NPAT: variants seen among roughly 807,000 people sequenced by gnomAD.
NPAT encodes protein NPAT.
In NPAT, 52 loss-of-function variants were observed where a neutral mutation model predicts 130.7. The ratio of observed to expected loss-of-function variants is 0.40; its 90% CI spans 0.32 to 0.50. NPAT has a LOEUF of 0.50. Ranked by LOEUF, NPAT falls within the 20% of genes least tolerant of loss-of-function variation. The probability of loss-of-function intolerance (pLI) is 0.68; values close to 1 mark genes in which losing one functional copy is unlikely to be tolerated. For missense variants in NPAT, 1,687 were observed against 1,662.6 expected (o/e 1.01, Z -0.26); for synonymous variants, 580 against 584.8 (o/e 0.99, Z 0.12).
chr11:108,182,402 A>G (rs1440467166), intron 10 of NPAT, among the ~76,000 whole-genome samples: 1 of 152,208 alleles, frequency 6.6e-6, no homozygotes, highest in East Asian at 1.9e-4. Context: ...CTCAGCTTTC[A>G]GAGGGACTTT....
chr11:108,192,335 C>T (rs1345958934), intron 3 of NPAT, 145 bp from the exon 4 acceptor site: 4 of 688,302 alleles, frequency 5.8e-6, no homozygotes, highest in Non-Finnish European at 1.1e-5. Flanking sequence ...TGTAAAATAG[C>T]TTGCAAAGCT....
In NPAT at chr11:108,192,167, T is replaced by C. The variant is rs374739227; in HGVS notation, c.241A>G (p.Ile81Val). Residue 81 changes from isoleucine to valine, a missense_variant, in exon 4 of 18, where the codon ATA (isoleucine) becomes GTA (valine). By Grantham distance (29) the Ile-to-Val change is conservative. Transcript: ENST00000278612. ...AATTTCTTCCATAGAGATGACATTATTGCTGGGACATTATTTGATGTTTCT... is the reference window on the plus strand; with the variant it reads ...AATTTCTTCCATAGAGATGACATTACTGCTGGGACATTATTTGATGTTTCT... Reference protein sequence around the residue: ...TKETSNNVPAIMSSLWKKLDH... With the variant: ...TKETSNNVPAVMSSLWKKLDH... 21 of 1,605,952 alleles carry C rather than the reference T, an allele frequency of 1.3e-5. No individual in the cohort carries two copies. The Middle Eastern group carries it at 6.6e-4, about 50-fold the overall frequency.
intron 1 of NPAT, among the ~76,000 whole-genome samples, chr11:108,214,935 T>C (rs1343284530): frequency 6.6e-6 from 1 of 152,172 alleles, no homozygotes; most frequent in African/African-American, 2.4e-5. Context: ...ACCCGGCCTA[T>C]GATTTCAAAT....
chr11:108,182,300 AAAG>A (rs1457486085), intron 10 of NPAT, among the ~76,000 whole-genome samples: 2 of 152,170 alleles, frequency 1.3e-5, no homozygotes, highest in African/African-American at 2.4e-5. Flanking sequence ...TCTAAGTGTC[AAAG>A]AAGAGTGAGA....
At chr11:108,183,973 C>CAA (rs61030752) in intron 10 of NPAT, among the ~76,000 whole-genome samples, 3,680 of 147,464 alleles carry the variant, frequency 0.025, 113 homozygotes, top group African/African-American at 0.076. Flanking sequence ...GACCCTGTCT[C>CAA]AAAAAAAAAA....
In NPAT at chr11:108,169,976, T is replaced by C; in HGVS notation, c.2853A>G (p.Val951=). The change falls in exon 14 of 18, where the codon GTA becomes GTG. Residue 951 remains valine, a synonymous_variant. Transcript: ENST00000278612. ...VLQGMVGMIP[V]SVVGQNGNNF... ...TATTTCCATTCTGTCCAACCACAGA[T>C]ACTGGGATCATCCCTACCATTCCTT... 2 of 1,614,002 alleles carry C rather than the reference T, an allele frequency of 1.2e-6. No homozygotes were observed. The highest frequency in any genetic ancestry group is 8.5e-7 in the Non-Finnish European group (1 of 1,179,906).
At chr11:108,164,412 G>C (rs549447252) in intron 15 of NPAT, among the ~76,000 whole-genome samples, 1 of 152,330 alleles carries the variant, frequency 6.6e-6, no homozygotes, top group African/African-American at 2.4e-5. Flanking sequence ...TGGCTATGTA[G>C]AAGAATGTGG....
chr11:108,166,268 T>C (rs2077901997), intron 15 of NPAT, among the ~76,000 whole-genome samples: 1 of 152,060 alleles, frequency 6.6e-6, no homozygotes, highest in African/African-American at 2.4e-5. Flanking sequence ...GGCATGCACC[T>C]GTAATCCCAG....
At chr11:108,168,582 A>G (rs1167171183) in intron 15 of NPAT, among the ~76,000 whole-genome samples, 1 of 152,202 alleles carries the variant, frequency 6.6e-6, no homozygotes, top group Non-Finnish European at 1.5e-5. Flanking sequence ...GAAGAAATAC[A>G]ATGTAATGTG....
chr11:108,193,465 C>T (rs1456822872), intron 3 of NPAT, among the ~76,000 whole-genome samples: 1 of 152,170 alleles, frequency 6.6e-6, no homozygotes, highest in Non-Finnish European at 1.5e-5. Context: ...GTGGCTCACA[C>T]CTGTAATCCC....
Position 108,173,233 on chromosome 11 carries a change from A to C in NPAT, c.1751T>G (p.Val584Gly). The C allele has an allele frequency of 6.2e-7, 1 of 1,613,130 alleles. No individual in the cohort carries two copies. Among genetic ancestry groups the C allele is most frequent in the South Asian group, 1.1e-5 (1 of 91,054 alleles). Residue 584 changes from valine (V) to glycine (G), a missense_variant, in exon 13 of 18, where the codon GTG becomes GGG. Val to Gly is a moderately radical substitution (Grantham distance 109, BLOSUM62 -3). This residue lies in a region of NPAT where 1,379 missense variants were observed against 1,346.6 expected (regional missense o/e 1.02). Coordinates refer to ENST00000278612, the MANE Select transcript of NPAT (RefSeq NM_002519.3). Reference protein sequence around the residue: ...EVHKSKIEINVLEPVMSQLSN... With the variant: ...EVHKSKIEINGLEPVMSQLSN... ...TAGCTGTGACATAACTGGTTCTAAC[A>C]CATTAATTTCTATTTTACTCTTGTG...
Position 108,188,129 on chromosome 11 carries a change from C to T in NPAT, c.607G>A (p.Ala203Thr). ...IPGAQEKKAHASLMSPGRRKS... is the reference protein window; with the variant it reads ...IPGAQEKKAHTSLMSPGRRKS... ...CGTCTACCGGGAGACATTAAACTGG[C>T]ATGTGCTTTCTTTTCCTGAGCACCA... The change falls in exon 7 of 18, where the codon GCC becomes ACC. Residue 203 changes from alanine to threonine, a missense_variant. By Grantham distance (58) the Ala-to-Thr change is moderately conservative (BLOSUM62 0). Transcript: ENST00000278612. 2 of 1,613,080 alleles carry T rather than the reference C, an allele frequency of 1.2e-6. No homozygotes were observed. The highest frequency in any genetic ancestry group is 1.7e-6 in the Non-Finnish European group (2 of 1,179,706).
chr11:108,188,024 A>AAG, intron 7 of NPAT, 74 bp downstream of exon 7: 1 of 1,007,270 alleles, frequency 9.9e-7, no homozygotes, highest in Admixed American at 1.7e-5. Flanking sequence ...TTCACAATGT[A>AAG]AGTATCCTGA....
intron 5 of NPAT, 144 bp from the exon 6 acceptor site, chr11:108,189,474 T>C: frequency 2.8e-6 from 2 of 716,106 alleles, no homozygotes; most frequent in Non-Finnish European, 5.0e-6. Flanking sequence ...CAACTAAATT[T>C]ATGCGACTTT....
Position 108,173,341 on chromosome 11 carries a change from CT to C in NPAT, c.1642del (p.Ser548ValfsTer11). On this transcript the variant is annotated frameshift_variant, in exon 13 of 18. Coordinates refer to ENST00000278612, the MANE Select transcript of NPAT (RefSeq NM_002519.3). LOFTEE classifies it high-confidence loss of function. The stretch of plus-strand genomic sequence containing the variant: ...ATCATTAGAATTTTCACAAAATTGA[CT>C]TTTTTTAGATGGCTTTCCAGTTAAT... ...TSLTGKPSKK[S>X]QFCENSNDTV... 6.2e-7 allele frequency: 1 copy of C among 1,613,162 alleles called. No homozygotes were observed. Among genetic ancestry groups the C allele is most frequent in the Non-Finnish European group, 8.5e-7 (1 of 1,179,450 alleles).
intron 1 of NPAT, among the ~76,000 whole-genome samples, chr11:108,213,819 A>C (rs1197808005): frequency 6.6e-6 from 1 of 152,208 alleles, no homozygotes; most frequent in East Asian, 1.9e-4. Context: ...TTAGTGGAAC[A>C]AAATAAAAAA....
At chr11:108,163,282 G>A (rs928139761) in intron 15 of NPAT, among the ~76,000 whole-genome samples, 2 of 152,082 alleles carry the variant, frequency 1.3e-5, no homozygotes, top group African/African-American at 2.4e-5. Context: ...GTTTCACTAC[G>A]TCAGCCAGGC....
intron 1 of NPAT, among the ~76,000 whole-genome samples, chr11:108,217,766 A>G (rs228607): frequency 0.62 from 93,594 of 151,924 alleles, 29,096 homozygotes; most frequent in Middle Eastern, 0.76. Flanking sequence ...GCCGAGGCGC[A>G]TGGATCACTT....
chr11:108,160,278 G>A (rs748377192), intron 17 of NPAT, among the ~76,000 whole-genome samples: 51 of 152,014 alleles, frequency 3.4e-4, no homozygotes, highest in African/African-American at 1.2e-3. Flanking sequence ...AGCCAAGATC[G>A]TACCATTGCA....
Sources: allele counts gnomAD v4.1 joint callset (sites outside exome capture counted in the v4.1 genomes callset), GRCh38; gene constraint gnomAD v4.1.1; regional missense constraint gnomAD v4.1.1; transcripts MANE v1.5; gene names NCBI Gene and HGNC (gene_info 2026-07-23, HGNC 2026-07-21).